HPSE2: variants seen among roughly 807,000 people sequenced by gnomAD.
HPSE2 encodes heparanase 2 (inactive), also known as inactive heparanase-2.
Under a neutral mutation model 60.5 loss-of-function variants are expected in HPSE2, and 38 were observed. The observed-to-expected ratio is 0.63, with a 90% CI of 0.48 to 0.82. The LOEUF (loss-of-function observed/expected upper bound fraction) is 0.82. HPSE2 is among the 40% of genes least tolerant of loss of function. The probability of loss-of-function intolerance (pLI) is 0.00; values close to 1 mark genes in which losing one functional copy is unlikely to be tolerated. For missense variants in HPSE2, 713 were observed against 740.4 expected (o/e 0.96, Z 0.43); for synonymous variants, 295 against 293.2 (o/e 1.01, Z -0.06).
At chr10:99,161,209 A>G (rs993613863) in intron 2 of HPSE2, among the ~76,000 whole-genome samples, 3 of 150,674 alleles carry the variant, frequency 2.0e-5, no homozygotes, top group African/African-American at 7.3e-5. Context: ...TAACAGAGTG[A>G]GACTCTGTTA....
At chr10:98,911,205 A>G (rs1953968495) in intron 3 of HPSE2, among the ~76,000 whole-genome samples, 1 of 152,162 alleles carries the variant, frequency 6.6e-6, no homozygotes, top group Non-Finnish European at 1.5e-5. Context: ...TGTGATTCCA[A>G]ATTTTCTAGG....
intron 3 of HPSE2, among the ~76,000 whole-genome samples, chr10:98,881,435 C>G (rs1475460353): frequency 6.6e-6 from 1 of 151,878 alleles, no homozygotes; most frequent in Non-Finnish European, 1.5e-5. Context: ...AGGCTGCAAC[C>G]AAATTAAATA....
intron 2 of HPSE2, among the ~76,000 whole-genome samples, chr10:99,168,893 G>T (rs775905938): frequency 6.3e-4 from 96 of 152,240 alleles, no homozygotes; most frequent in Non-Finnish European, 1.0e-3. Flanking sequence ...AAGGAGAGTG[G>T]TTAAAAAATG....
chr10:98,605,070 G>A (rs12357870), intron 9 of HPSE2, among the ~76,000 whole-genome samples: 27,811 of 152,128 alleles, frequency 0.18, 2,783 homozygotes, highest in East Asian at 0.24. Context: ...TGCCAATGAC[G>A]TCTTGTTGCA....
chr10:98,976,637 G>A (rs948401213), intron 3 of HPSE2, among the ~76,000 whole-genome samples: 1 of 151,796 alleles, frequency 6.6e-6, no homozygotes, highest in Non-Finnish European at 1.5e-5. Context: ...CCATCTCTCT[G>A]CTTATAATTG....
intron 2 of HPSE2, among the ~76,000 whole-genome samples, chr10:99,179,804 G>C (rs1339937300): frequency 2.0e-5 from 3 of 148,870 alleles, no homozygotes; most frequent in African/African-American, 7.4e-5. Context: ...ACATAGCCAA[G>C]ACAATCCTAA....
At position 99,086,346 on chromosome 10, in the gene HPSE2, C is replaced by CTTTTTTTTTTTTTTTTTT. The variant is rs66562418; in HGVS notation, c.610+57874_610+57891dup. 4.7e-4 allele frequency among the ~76,000 whole-genome samples: 39 copies of CTTTTTTTTTTTTTTTTTT among 82,994 alleles called. 3 individuals are homozygous for CTTTTTTTTTTTTTTTTTT. In the East Asian group the frequency reaches 8.6e-3, roughly 18 times the overall value. The allele number at this position is 82,994 out of a possible 152,430, so 54.4% of individuals were successfully genotyped here. On this transcript the variant is annotated intron_variant, in intron 3 of 11. Coordinates refer to ENST00000370552, the MANE Select transcript of HPSE2 (RefSeq NM_021828.5). ...AGGTGGTAATACGGAAAAGTACTTT[C>CTTTTTTTTTTTTTTTTTT]TTTTTTTTTTTTTTTTTTTTTTTTG...
intron 3 of HPSE2, among the ~76,000 whole-genome samples, chr10:99,003,876 C>A (rs968695586): frequency 6.6e-6 from 1 of 151,972 alleles, no homozygotes; most frequent in African/African-American, 2.4e-5. Context: ...CTTTTGAGGT[C>A]ATGCAATTTA....
intron 2 of HPSE2, among the ~76,000 whole-genome samples, chr10:99,183,299 A>G (rs1303608075): frequency 6.6e-6 from 1 of 152,194 alleles, no homozygotes; most frequent in Non-Finnish European, 1.5e-5. Flanking sequence ...CCCTGATGGT[A>G]TTTAGGTAAT....
chr10:98,862,316 A>G (rs1447726260), intron 3 of HPSE2, among the ~76,000 whole-genome samples: 1 of 152,172 alleles, frequency 6.6e-6, no homozygotes. Flanking sequence ...GGGGTCTCAT[A>G]TATTCCAAGT....
intron 9 of HPSE2, among the ~76,000 whole-genome samples, chr10:98,556,238 G>A (rs895971846): frequency 2.0e-4 from 30 of 152,192 alleles, no homozygotes; most frequent in African/African-American, 6.8e-4. Flanking sequence ...GAAGAGGGAT[G>A]TACTCCCAGA....
intron 2 of HPSE2, among the ~76,000 whole-genome samples, chr10:99,224,522 G>A (rs1310655929): frequency 6.6e-6 from 1 of 151,624 alleles, no homozygotes; most frequent in South Asian, 2.1e-4. Context: ...GAACTAAGAA[G>A]TACCCAAATC....
At chr10:98,543,590 C>T (rs541512553) in intron 9 of HPSE2, among the ~76,000 whole-genome samples, 129 of 152,196 alleles carry the variant, frequency 8.5e-4, no homozygotes, top group Admixed American at 6.7e-3. Flanking sequence ...ACCCATCTCA[C>T]GTGCAGAGAC....
the HPSE2 span, among the ~76,000 whole-genome samples, chr10:99,272,497 A>C: frequency 6.6e-6 from 1 of 152,188 alleles, no homozygotes; most frequent in African/African-American, 2.4e-5. Context: ...CAGCCCACAG[A>C]GTGGGAGAAA....
intron 2 of HPSE2, among the ~76,000 whole-genome samples, chr10:99,167,946 C>T (rs1564862130): frequency 1.3e-5 from 2 of 152,026 alleles, no homozygotes. Flanking sequence ...GCTCTATACA[C>T]ATAAATATAT....
the HPSE2 span, among the ~76,000 whole-genome samples, chr10:99,252,119 C>T: frequency 5.9e-5 from 9 of 152,086 alleles, no homozygotes; most frequent in Admixed American, 5.2e-4. Flanking sequence ...ATCTTACATC[C>T]CCTCATGATA....
intron 2 of HPSE2, among the ~76,000 whole-genome samples, chr10:99,228,169 A>T (rs957051121): frequency 6.6e-6 from 1 of 152,126 alleles, no homozygotes; most frequent in African/African-American, 2.4e-5. Flanking sequence ...TTGAGATAAT[A>T]AAGGTGCTTT....
intron 3 of HPSE2, among the ~76,000 whole-genome samples, chr10:98,931,844 A>T (rs1246614846): frequency 6.9e-6 from 1 of 144,018 alleles, no homozygotes; most frequent in Non-Finnish European, 1.5e-5. Context: ...CTAAAGTTGC[A>T]TATCAGCTTA....
At chr10:98,877,324 A>AT (rs1011647899) in intron 3 of HPSE2, among the ~76,000 whole-genome samples, 1 of 151,764 alleles carries the variant, frequency 6.6e-6, no homozygotes, top group South Asian at 2.1e-4. Flanking sequence ...TGTTTTCTAG[A>AT]TTTTTTTTGT....
Sources: allele counts gnomAD v4.1 joint callset (sites outside exome capture counted in the v4.1 genomes callset), GRCh38; gene constraint gnomAD v4.1.1; transcripts MANE v1.5; gene names NCBI Gene and HGNC (gene_info 2026-07-23, HGNC 2026-07-21).